TASP1: variants seen among roughly 807,000 people sequenced by gnomAD.
TASP1 encodes threonine aspartase 1.
Under a neutral mutation model 56.6 loss-of-function variants are expected in TASP1, and 16 were observed. The ratio of observed to expected loss-of-function variants is 0.28; its 90% CI spans 0.19 to 0.43. TASP1 has a LOEUF of 0.43. Ranked by LOEUF, TASP1 falls within the 20% of genes least tolerant of loss-of-function variation. The pLI is 1.00. For missense variants in TASP1, 393 were observed against 511.6 expected, an observed-to-expected ratio of 0.77 and a Z score of 2.24; for synonymous variants, 179 against 184.2, an observed-to-expected ratio of 0.97 and a Z score of 0.23.
At chr20:13,552,700 T>C (rs898544618) in intron 8 of TASP1, among the ~76,000 whole-genome samples, 3 of 152,240 alleles carry the variant, frequency 2.0e-5, no homozygotes, top group East Asian at 3.9e-4. Context: ...GAAAGGAGTA[T>C]GAAAATTCAC....
At chr20:13,223,715 A>C in the TASP1 span, among the ~76,000 whole-genome samples, 1 of 152,198 alleles carries the variant, frequency 6.6e-6, no homozygotes, top group Non-Finnish European at 1.5e-5. Context: ...GGGAATTTCT[A>C]TGCGGAAGTT....
chr20:13,136,953 T>C, the TASP1 span, among the ~76,000 whole-genome samples: 7 of 152,062 alleles, frequency 4.6e-5, no homozygotes, highest in African/African-American at 1.7e-4. Flanking sequence ...TTCTCTACTT[T>C]CCATAGGAAG....
intron 7 of TASP1, among the ~76,000 whole-genome samples, chr20:13,559,643 C>T (rs937435679): frequency 7.2e-5 from 11 of 152,114 alleles, no homozygotes; most frequent in Admixed American, 4.6e-4. Context: ...AAACATCTCC[C>T]TAGAAATTTC....
At chr20:13,449,149 C>T (rs781158153) in intron 11 of TASP1, among the ~76,000 whole-genome samples, 2 of 151,968 alleles carry the variant, frequency 1.3e-5, no homozygotes, top group Admixed American at 6.6e-5. Flanking sequence ...CCAGTGCTCC[C>T]GAGCAATGCC....
intron 10 of TASP1, among the ~76,000 whole-genome samples, chr20:13,522,704 T>C (rs1482377318): frequency 2.0e-5 from 3 of 152,098 alleles, no homozygotes; most frequent in Admixed American, 2.0e-4. Context: ...GATAAAATTG[T>C]AGGAATCATC....
At chr20:13,343,848 T>A in the TASP1 span, among the ~76,000 whole-genome samples, 4 of 152,074 alleles carry the variant, frequency 2.6e-5, no homozygotes, top group African/African-American at 9.7e-5. Flanking sequence ...AATCTATTCC[T>A]GCAGAATCCA....
the TASP1 span, among the ~76,000 whole-genome samples, chr20:13,198,824 TTCTTTCTTTCTTTC>T: frequency 6.9e-6 from 1 of 144,304 alleles, no homozygotes; most frequent in Non-Finnish European, 1.5e-5. Flanking sequence ...CTTTCTTTCT[TTCTTTCTTTCTTTC>T]TTTCTTTCTT....
At chr20:13,261,535 C>A in the TASP1 span, among the ~76,000 whole-genome samples, 2 of 152,064 alleles carry the variant, frequency 1.3e-5, no homozygotes, top group Admixed American at 1.3e-4. Flanking sequence ...ACCAGTCTAC[C>A]ATAAGTGCAG....
the TASP1 span, among the ~76,000 whole-genome samples, chr20:13,229,865 T>C: frequency 3.8e-4 from 58 of 152,322 alleles, 1 homozygote; most frequent in African/African-American, 1.3e-3. Context: ...TTCTTTCAGC[T>C]TTCCAATTCT....
At chr20:13,466,859 T>C (rs2044277634) in intron 11 of TASP1, among the ~76,000 whole-genome samples, 1 of 152,142 alleles carries the variant, frequency 6.6e-6, no homozygotes, top group Non-Finnish European at 1.5e-5. Flanking sequence ...CAGTGGCAGC[T>C]CACATGTGTA....
the TASP1 span, among the ~76,000 whole-genome samples, chr20:13,121,164 G>A: frequency 5.3e-5 from 8 of 152,210 alleles, no homozygotes; most frequent in Non-Finnish European, 1.2e-4. Context: ...CTGCATGCCT[G>A]GTGCCGAACA....
chr20:13,522,979 C>G (rs1568542900), intron 10 of TASP1, among the ~76,000 whole-genome samples: 1 of 152,068 alleles, frequency 6.6e-6, no homozygotes, highest in Non-Finnish European at 1.5e-5. Context: ...TCAAATGTTG[C>G]TTATAGGACT....
At chr20:13,518,633 ATG>A (rs2044623402) in intron 10 of TASP1, among the ~76,000 whole-genome samples, 2 of 152,002 alleles carry the variant, frequency 1.3e-5, no homozygotes, top group Non-Finnish European at 2.9e-5. Flanking sequence ...CCCCACCACA[ATG>A]TATTTGTTTG....
the TASP1 span, among the ~76,000 whole-genome samples, chr20:13,318,062 T>C: frequency 6.6e-6 from 1 of 151,572 alleles, no homozygotes; most frequent in African/African-American, 2.4e-5. Context: ...TATCCAAATA[T>C]ACAGAGAACC....
chr20:13,596,979 C>A (rs937602662), intron 4 of TASP1, among the ~76,000 whole-genome samples: 2 of 152,098 alleles, frequency 1.3e-5, no homozygotes, highest in Admixed American at 6.5e-5. Context: ...CAAGACTAAA[C>A]CTGGAAGAAG....
the TASP1 span, among the ~76,000 whole-genome samples, chr20:13,135,574 C>T: frequency 6.6e-6 from 1 of 152,144 alleles, no homozygotes; most frequent in Non-Finnish European, 1.5e-5. Context: ...TTACCAAGCA[C>T]TTACTTTGCC....
chr20:13,162,672 G>C, the TASP1 span, among the ~76,000 whole-genome samples: 2 of 152,296 alleles, frequency 1.3e-5, no homozygotes, highest in African/African-American at 2.4e-5. Flanking sequence ...ATGTGTGACA[G>C]TTGCTCATTC....
At chr20:13,630,726 AAAAAG>A (rs1296480429) in intron 1 of TASP1, among the ~76,000 whole-genome samples, 6 of 151,482 alleles carry the variant, frequency 4.0e-5, no homozygotes, top group African/African-American at 1.4e-4. Flanking sequence ...CTCAAAAAGA[AAAAAG>A]AAAAGAAAAG....
chr20:13,393,570 G>A, intron 13 of TASP1: 2 of 861,680 alleles, frequency 2.3e-6, no homozygotes. Context: ...GGCTGGCAAT[G>A]CCCTCAACAA....
Sources: allele counts gnomAD v4.1 joint callset (sites outside exome capture counted in the v4.1 genomes callset), GRCh38; gene constraint gnomAD v4.1.1; transcripts MANE v1.5; gene names NCBI Gene and HGNC (gene_info 2026-07-23, HGNC 2026-07-21).